PTPRT: variants seen among roughly 807,000 people sequenced by gnomAD.
PTPRT encodes the protein receptor-type tyrosine-protein phosphatase T.
Under a neutral mutation model 176.8 loss-of-function variants are expected in PTPRT, and 56 were observed. That is an observed-to-expected ratio of 0.32 (90% CI 0.26 to 0.40). The LOEUF (loss-of-function observed/expected upper bound fraction) is 0.40. Ranked by LOEUF, PTPRT falls within the 10% of genes least tolerant of loss-of-function variation. The pLI is 1.00. For synonymous variants in PTPRT, 783 were observed against 739.0 expected, an observed-to-expected ratio of 1.06 and a Z score of -0.96; for missense variants, 1,540 against 1,908.2, an observed-to-expected ratio of 0.81 and a Z score of 3.60.
At chr20:42,319,349 A>G (rs1488867808) in intron 11 of PTPRT, among the ~76,000 whole-genome samples, 1 of 150,780 alleles carries the variant, frequency 6.6e-6, no homozygotes, top group African/African-American at 2.4e-5. Flanking sequence ...TTAACTTGGC[A>G]TCCTAAACTG....
intron 7 of PTPRT, among the ~76,000 whole-genome samples, chr20:42,541,200 A>G (rs998079928): frequency 1.3e-5 from 2 of 152,184 alleles, no homozygotes; most frequent in African/African-American, 4.8e-5. Context: ...TGTGATGCCA[A>G]TAAAAACACC....
At chr20:42,395,619 G>A (rs953207465) in intron 9 of PTPRT, among the ~76,000 whole-genome samples, 6 of 151,890 alleles carry the variant, frequency 4.0e-5, no homozygotes, top group Admixed American at 6.6e-5. Context: ...TCTCCCTTGG[G>A]CCTGTGTAAT....
intron 6 of PTPRT, chr20:42,687,859 G>C (rs534711522): frequency 6.6e-6 from 1 of 152,298 alleles, no homozygotes; most frequent in South Asian, 2.1e-4. Flanking sequence ...ACGCAGCAAG[G>C]ACAAATAACA....
At chr20:42,214,836 G>A (rs1220155933) in intron 15 of PTPRT, among the ~76,000 whole-genome samples, 2 of 152,224 alleles carry the variant, frequency 1.3e-5, no homozygotes, top group South Asian at 2.1e-4. Context: ...CTAAAGCAGA[G>A]CCTAGGAATA....
intron 7 of PTPRT, among the ~76,000 whole-genome samples, chr20:42,621,200 C>T (rs1024394556): frequency 3.3e-5 from 5 of 152,204 alleles, no homozygotes; most frequent in African/African-American, 1.2e-4. Context: ...GTGCATCCTT[C>T]CCCCTGGGCT....
intron 16 of PTPRT, among the ~76,000 whole-genome samples, chr20:42,184,595 CTCTTCT>C (rs1357403802): frequency 3.4e-5 from 1 of 29,428 alleles, no homozygotes; most frequent in African/African-American, 9.1e-5. Context: ...CTTCTTCTTC[CTCTTCT>C]TCTTCTTCTT....
At chr20:42,827,269 A>G (rs187379796) in intron 2 of PTPRT, among the ~76,000 whole-genome samples, 3 of 152,194 alleles carry the variant, frequency 2.0e-5, no homozygotes, top group Non-Finnish European at 4.4e-5. Context: ...TCATCACCAC[A>G]TGGCACATAC....
intron 6 of PTPRT, among the ~76,000 whole-genome samples, chr20:42,731,471 C>A (rs2076459787): frequency 6.6e-6 from 1 of 152,154 alleles, no homozygotes; most frequent in African/African-American, 2.4e-5. Flanking sequence ...ACATGCACTA[C>A]CCATGTACAG....
intron 7 of PTPRT, among the ~76,000 whole-genome samples, chr20:42,639,947 C>T (rs776167808): frequency 4.2e-4 from 64 of 152,260 alleles, no homozygotes; most frequent in Middle Eastern, 3.4e-3. Flanking sequence ...CCTCTCCCCC[C>T]AACCCGAATG....
At chr20:43,064,738 A>C (rs1352512218) in intron 1 of PTPRT, among the ~76,000 whole-genome samples, 1 of 152,108 alleles carries the variant, frequency 6.6e-6, no homozygotes, top group Non-Finnish European at 1.5e-5. Flanking sequence ...GTCTCAAGCC[A>C]CCTCTGGTAA....
chr20:42,319,779 A>G (rs1201528669), intron 11 of PTPRT, among the ~76,000 whole-genome samples: 2 of 152,184 alleles, frequency 1.3e-5, no homozygotes. Context: ...TTGAGAATAC[A>G]TTTATCTAAG....
chr20:42,453,674 C>CT (rs576538683), intron 8 of PTPRT, among the ~76,000 whole-genome samples: 63,687 of 136,310 alleles, frequency 0.47, 15,007 homozygotes, highest in African/African-American at 0.6. Flanking sequence ...TTTTTCTTTT[C>CT]TTTTTTTTTT....
In PTPRT at chr20:42,435,474, C is replaced by A. The variant is rs112595006; in HGVS notation, c.1560+12746G>T. 7.9e-3 allele frequency among the ~76,000 whole-genome samples: 1,200 copies of A among 152,098 alleles called. 13 individuals are homozygous for A. Among genetic ancestry groups the A allele is most frequent in the African/African-American group, 0.027 (1,137 of 41,500 alleles). On this transcript the variant is annotated intron_variant, in intron 9 of 30. Transcript: ENST00000373187. ...GAGCTTTCTGGCAATAGGAACTCTG[C>A]GTGCAATAAGCCTGAGACAGGGGCC...
intron 7 of PTPRT, among the ~76,000 whole-genome samples, chr20:42,556,750 C>A (rs374622690): frequency 2.4e-4 from 37 of 152,190 alleles, no homozygotes; most frequent in African/African-American, 8.2e-4. Flanking sequence ...CTGTTGGCCA[C>A]GAAACACATT....
chr20:42,996,103 A>G (rs557373089), intron 1 of PTPRT, among the ~76,000 whole-genome samples: 3 of 152,316 alleles, frequency 2.0e-5, no homozygotes, highest in African/African-American at 7.2e-5. Context: ...AGAACACAGG[A>G]AAGGTGACAA....
intron 1 of PTPRT, among the ~76,000 whole-genome samples, chr20:43,136,762 T>C (rs1306781834): frequency 2.6e-5 from 4 of 152,242 alleles, no homozygotes; most frequent in African/African-American, 4.8e-5. Flanking sequence ...GTCTTCCTAA[T>C]AAAATGAATT....
chr20:42,256,195 C>T (rs1351789972), intron 13 of PTPRT, among the ~76,000 whole-genome samples: 1 of 152,152 alleles, frequency 6.6e-6, no homozygotes, highest in Non-Finnish European at 1.5e-5. Context: ...AACTTTCTGG[C>T]TCTTCTCAAG....
At chr20:42,593,298 ACT>A (rs1221294980) in intron 7 of PTPRT, among the ~76,000 whole-genome samples, 1 of 151,598 alleles carries the variant, frequency 6.6e-6, no homozygotes. Flanking sequence ...CAGGCTTGAA[ACT>A]CTACTCTGAA....
intron 1 of PTPRT, among the ~76,000 whole-genome samples, chr20:42,902,135 T>C (rs1350859211): frequency 2.0e-5 from 3 of 152,210 alleles, no homozygotes; most frequent in Non-Finnish European, 4.4e-5. Flanking sequence ...GTCCCAAAAG[T>C]TGCTACCACT....
Sources: gnomAD v4.1 joint callset for allele counts (sites outside exome capture counted in the v4.1 genomes callset) on GRCh38, gnomAD v4.1.1 for gene constraint, MANE v1.5 for transcripts, NCBI Gene and HGNC (gene_info 2026-07-23, HGNC 2026-07-21) for gene names.